The following NEDD4L variants were observed in gnomAD, a reference collection of about 807,000 sequenced individuals.
The protein encoded by NEDD4L is NEDD4 like E3 ubiquitin protein ligase, also known as E3 ubiquitin-protein ligase NEDD4-like.
In NEDD4L, 54 loss-of-function variants were observed where a neutral mutation model predicts 148.9. That is an observed-to-expected ratio of 0.36 (90% CI 0.29 to 0.45). NEDD4L has a LOEUF of 0.45. Among genes scored for constraint, NEDD4L ranks in the 20% least tolerant of loss-of-function variants. NEDD4L has a pLI of 1.00. For missense variants in NEDD4L, 856 were observed against 1,233.8 expected (o/e 0.69, Z 4.59); for synonymous variants, 433 against 440.7 (o/e 0.98, Z 0.22).
chr18:58,080,342 A>G (rs1303336879), intron 1 of NEDD4L, among the ~76,000 whole-genome samples: 2 of 152,224 alleles, frequency 1.3e-5, no homozygotes, highest in Non-Finnish European at 2.9e-5. Context: ...CTGGTAAAAG[A>G]TTTAGGTTTG....
intron 2 of NEDD4L, among the ~76,000 whole-genome samples, chr18:58,207,163 G>A (rs513435): frequency 0.97 from 147,020 of 152,332 alleles, 70,982 homozygotes; most frequent in East Asian, 1. Context: ...GGAAGTTCCA[G>A]CCGGCGCCAT....
intron 5 of NEDD4L, among the ~76,000 whole-genome samples, chr18:58,252,934 G>A (rs910086266): frequency 2.0e-5 from 3 of 152,130 alleles, no homozygotes; most frequent in South Asian, 2.1e-4. Context: ...TATCTAAAAC[G>A]TGTACATCAA....
chr18:58,388,095 G>A (rs78503895), intron 27 of NEDD4L: 1 of 152,272 alleles, frequency 6.6e-6, no homozygotes, highest in East Asian at 1.9e-4. Flanking sequence ...TTTAGTGATT[G>A]TCTAGTTCAG....
At chr18:58,284,463 A>T (rs988623297) in intron 5 of NEDD4L, among the ~76,000 whole-genome samples, 1 of 152,206 alleles carries the variant, frequency 6.6e-6, no homozygotes, top group African/African-American at 2.4e-5. Flanking sequence ...ATCTGTCTTT[A>T]TTATACTGTC....
intron 6 of NEDD4L, among the ~76,000 whole-genome samples, chr18:58,321,042 C>A (rs1470281391): frequency 6.6e-6 from 1 of 152,190 alleles, no homozygotes; most frequent in Non-Finnish European, 1.5e-5. Flanking sequence ...TACTACAGAT[C>A]AGATGAATTG....
chr18:58,070,791 T>C (rs1206974016), intron 1 of NEDD4L, among the ~76,000 whole-genome samples: 3 of 148,676 alleles, frequency 2.0e-5, no homozygotes, highest in African/African-American at 7.5e-5. Context: ...TCTGTGTAGT[T>C]ACTAGCGAAC....
intron 2 of NEDD4L, among the ~76,000 whole-genome samples, chr18:58,196,038 C>T (rs1315975532): frequency 6.6e-6 from 1 of 152,166 alleles, no homozygotes; most frequent in African/African-American, 2.4e-5. Context: ...TCTGGTGCCT[C>T]TCCCCCCTTT....
At chr18:58,377,491 T>C (rs1255675948) in intron 24 of NEDD4L, among the ~76,000 whole-genome samples, 1 of 152,170 alleles carries the variant, frequency 6.6e-6, no homozygotes, top group Non-Finnish European at 1.5e-5. Flanking sequence ...TATTTTGCAA[T>C]TTGTTTTCTT....
rs530815232 is a variant in NEDD4L at position 58,256,963 on chromosome 18, C to A, written c.297+4909C>A. ...GTGTTTGGTGCGCAAAACACCATTT[C>A]TGCAAATGTCTTCTGTAGGTCCTCA... is the stretch of plus-strand genomic sequence containing the variant. On this transcript the variant is annotated intron_variant, in intron 5 of 30. Transcript: ENST00000400345. This position sits in a 1 kb window ranked among gnomAD's most constrained non-coding sequence, Gnocchi z 5.2. Among the ~76,000 whole-genome samples, 1 of 152,316 alleles carries A rather than the reference C, an allele frequency of 6.6e-6. No individual in the cohort carries two copies. The highest frequency in any genetic ancestry group is 1.5e-5 in the Non-Finnish European group (1 of 68,038).
intron 2 of NEDD4L, among the ~76,000 whole-genome samples, chr18:58,225,907 A>G (rs565641847): frequency 6.6e-6 from 1 of 152,348 alleles, no homozygotes; most frequent in South Asian, 2.1e-4. Flanking sequence ...TTTATAAAAC[A>G]GCACAGTTTT....
chr18:58,146,328 C>T (rs560292024), intron 1 of NEDD4L, among the ~76,000 whole-genome samples: 1 of 152,076 alleles, frequency 6.6e-6, no homozygotes, highest in Admixed American at 6.5e-5. Flanking sequence ...ACAACATAGG[C>T]AGATGTGTCT....
At position 58,218,406 on chromosome 18, in the gene NEDD4L, C is replaced by A. The variant is rs571813177; in HGVS notation, c.123-27021C>A. On this transcript the variant is annotated intron_variant, in intron 2 of 30. Transcript: ENST00000400345. ...TTAAAGGAATGTCATGACTTTTTAA[C>A]TTCATTTTGAAATTTGAGTTTAGAA... Among the ~76,000 whole-genome samples, 26 of 152,254 alleles carry A rather than the reference C, an allele frequency of 1.7e-4. No individual in the cohort carries two copies. The South Asian group carries it at 5.2e-3, about 30-fold the overall frequency.
intron 2 of NEDD4L, among the ~76,000 whole-genome samples, chr18:58,235,250 GC>G (rs1368200844): frequency 2.0e-5 from 3 of 152,126 alleles, no homozygotes; most frequent in African/African-American, 7.2e-5. Context: ...ACCCTGTGAG[GC>G]CCACTCTCGG....
chr18:58,266,765 A>AT (rs2050278503), intron 5 of NEDD4L, among the ~76,000 whole-genome samples: 1 of 152,118 alleles, frequency 6.6e-6, no homozygotes, highest in Non-Finnish European at 1.5e-5. Flanking sequence ...CTTTGGAGTG[A>AT]TTTTTAAACA....
chr18:58,235,640 C>G (rs2045923756), intron 2 of NEDD4L, among the ~76,000 whole-genome samples: 1 of 152,124 alleles, frequency 6.6e-6, no homozygotes, highest in Non-Finnish European at 1.5e-5. Context: ...GTTCATAGTT[C>G]CTGTGCTTGG....
At chr18:58,255,424 A>C (rs1026959463) in intron 5 of NEDD4L, 10 of 1,014,640 alleles carry the variant, frequency 9.9e-6, no homozygotes, top group Admixed American at 4.3e-5. Context: ...CCTCTGTCAC[A>C]GTGTGGATGA....
intron 2 of NEDD4L, among the ~76,000 whole-genome samples, chr18:58,167,738 T>C (rs1328557808): frequency 3.3e-5 from 5 of 152,196 alleles, no homozygotes; most frequent in Admixed American, 6.5e-5. Context: ...AAATTATCTT[T>C]TAAAAATGTA....
chr18:58,159,946 G>A (rs1362954062), intron 1 of NEDD4L, among the ~76,000 whole-genome samples: 1 of 152,096 alleles, frequency 6.6e-6, no homozygotes, highest in Non-Finnish European at 1.5e-5. Context: ...GTGATCCTGG[G>A]GTCACAGTGG....
In NEDD4L at chr18:58,196,923, G is replaced by A. The variant is rs113552416; in HGVS notation, c.122+31062G>A. ...GGGAGCTCCTGATGATTTTTATGAG[G>A]GGGAAGAGGAGATGGTGAGGAGGAG... On this transcript the variant is annotated intron_variant, in intron 2 of 30. Coordinates refer to ENST00000400345, the MANE Select transcript of NEDD4L (RefSeq NM_001144967.3). 3.8e-3 allele frequency among the ~76,000 whole-genome samples: 578 copies of A among 152,096 alleles called. 6 individuals are homozygous for A. The highest frequency in any genetic ancestry group is 0.013 in the African/African-American group (533 of 41,472).
Sources: allele counts gnomAD v4.1 joint callset (sites outside exome capture counted in the v4.1 genomes callset), GRCh38; gene constraint gnomAD v4.1.1; non-coding constraint Gnocchi (gnomAD v3.1); transcripts MANE v1.5; gene names NCBI Gene and HGNC (gene_info 2026-07-23, HGNC 2026-07-21).